NEGR1: variants seen among roughly 807,000 people sequenced by gnomAD.
The protein encoded by NEGR1 is neuronal growth regulator 1.
NEGR1 carries 10 observed loss-of-function variants against 40.9 expected under a neutral mutation model. That is an observed-to-expected ratio of 0.24 (90% CI 0.15 to 0.42). NEGR1 has a LOEUF of 0.42. Among genes scored for constraint, NEGR1 ranks in the 10% least tolerant of loss-of-function variants. The pLI is 1.00. For missense variants in NEGR1, 352 were observed against 438.9 expected (o/e 0.80, Z 1.77); for synonymous variants, 185 against 166.8 (o/e 1.11, Z -0.84).
At chr1:72,189,816 T>C (rs111808372) in intron 1 of NEGR1, among the ~76,000 whole-genome samples, 63 of 151,736 alleles carry the variant, frequency 4.2e-4, no homozygotes, top group African/African-American at 1.4e-3. Flanking sequence ...TGATACAAGA[T>C]TGTTATCTTC....
chr1:71,574,900 T>C lies in NEGR1; in HGVS notation c.940+17917A>G, dbSNP rs1049728251. Among the ~76,000 whole-genome samples the C allele has an allele frequency of 7.9e-5, 12 of 152,198 alleles. 1 individual carries two copies. In the South Asian group the frequency reaches 1.7e-3, roughly 21 times the overall value. On this transcript the variant is annotated intron_variant, in intron 6 of 6. Transcript: ENST00000357731. Reference sequence around the variant, plus strand: ...TTGGATTATCTCTGGGTCCATTTAGTTTTAATAATTCTTAGGTCCCTATTC... The same window carrying C: ...TTGGATTATCTCTGGGTCCATTTAGCTTTAATAATTCTTAGGTCCCTATTC...
At chr1:72,243,416 A>C (rs2100517799) in intron 1 of NEGR1, among the ~76,000 whole-genome samples, 1 of 151,960 alleles carries the variant, frequency 6.6e-6, no homozygotes, top group African/African-American at 2.4e-5. Flanking sequence ...AGGAATTTTA[A>C]GAATGGTTTA....
chr1:72,210,718 A>C (rs1653572264), intron 1 of NEGR1, among the ~76,000 whole-genome samples: 1 of 151,932 alleles, frequency 6.6e-6, no homozygotes, highest in Admixed American at 6.6e-5. Context: ...TGATATTGTT[A>C]ATGGAGTTGT....
intron 3 of NEGR1, among the ~76,000 whole-genome samples, chr1:71,746,029 C>T (rs1655370161): frequency 6.6e-6 from 1 of 152,172 alleles, no homozygotes; most frequent in Non-Finnish European, 1.5e-5. Flanking sequence ...TGCATTAGAT[C>T]ATTCCCTTTC....
At chr1:71,447,854 C>T (rs549682522) in intron 6 of NEGR1, among the ~76,000 whole-genome samples, 1 of 152,116 alleles carries the variant, frequency 6.6e-6, no homozygotes, top group Non-Finnish European at 1.5e-5. Context: ...TCTGTAAGTC[C>T]TCTTTCTTTT....
intron 4 of NEGR1, among the ~76,000 whole-genome samples, chr1:71,657,004 A>T (rs902496611): frequency 6.6e-6 from 1 of 152,244 alleles, no homozygotes; most frequent in African/African-American, 2.4e-5. Context: ...CTTCAAAAAT[A>T]ATAGCCAGGA....
At chr1:71,542,998 G>A (rs1280075975) in intron 6 of NEGR1, among the ~76,000 whole-genome samples, 1 of 151,632 alleles carries the variant, frequency 6.6e-6, no homozygotes. Flanking sequence ...GTGTGTATGT[G>A]ATATGACATG....
rs114924437 is a variant in NEGR1 at position 72,239,005 on chromosome 1, A to T, written c.176+43314T>A. Among the ~76,000 whole-genome samples the T allele has an allele frequency of 5.3e-3, 806 of 151,948 alleles. 9 individuals carry two copies. Among genetic ancestry groups the T allele is most frequent in the African/African-American group, 0.018 (767 of 41,520 alleles). Reference sequence around the variant, plus strand: ...TATTTTTCCTTCCTGAGCATTTTTCATGGGTGTCACATTCTACACTCATGG... The same window carrying T: ...TATTTTTCCTTCCTGAGCATTTTTCTTGGGTGTCACATTCTACACTCATGG... On this transcript the variant is annotated intron_variant, in intron 1 of 6. Transcript: ENST00000357731.
chr1:72,021,753 C>T (rs1646758286), intron 1 of NEGR1, among the ~76,000 whole-genome samples: 1 of 152,118 alleles, frequency 6.6e-6, no homozygotes, highest in Non-Finnish European at 1.5e-5. Flanking sequence ...AAACATCATG[C>T]TTTAAAAAAC....
chr1:71,788,131 C>A (rs905379491), intron 2 of NEGR1, among the ~76,000 whole-genome samples: 5 of 152,044 alleles, frequency 3.3e-5, no homozygotes, highest in African/African-American at 4.8e-5. Flanking sequence ...GTCCATGTTA[C>A]CTTATCTACT....
chr1:71,805,913 T>C (rs1448580207), intron 2 of NEGR1, among the ~76,000 whole-genome samples: 2 of 152,202 alleles, frequency 1.3e-5, no homozygotes, highest in African/African-American at 4.8e-5. Flanking sequence ...CAAATAAAAA[T>C]GATTGAAAAT....
At chr1:71,837,307 C>A (rs1659073648) in intron 2 of NEGR1, among the ~76,000 whole-genome samples, 1 of 152,108 alleles carries the variant, frequency 6.6e-6, no homozygotes, top group African/African-American at 2.4e-5. Context: ...AACTCTCTGA[C>A]AAAGTAGATA....
At chr1:71,663,533 C>A (rs369431303) in intron 4 of NEGR1, among the ~76,000 whole-genome samples, 1 of 152,150 alleles carries the variant, frequency 6.6e-6, no homozygotes, top group Non-Finnish European at 1.5e-5. Flanking sequence ...AAGAGATATT[C>A]CAAAATGCCA....
chr1:72,101,582 CT>C (rs1167304356), intron 1 of NEGR1, among the ~76,000 whole-genome samples: 1 of 151,824 alleles, frequency 6.6e-6, no homozygotes, highest in Admixed American at 6.6e-5. Context: ...TAGGAGACTT[CT>C]TTTTTTAAAT....
intron 4 of NEGR1, among the ~76,000 whole-genome samples, chr1:71,656,441 CTG>C (rs1651877591): frequency 6.6e-6 from 1 of 152,108 alleles, no homozygotes; most frequent in Admixed American, 6.5e-5. Flanking sequence ...GAGACGGAGT[CTG>C]GCTCTGTCGC....
intron 3 of NEGR1, among the ~76,000 whole-genome samples, chr1:71,733,407 G>A (rs893498682): frequency 6.6e-6 from 1 of 152,156 alleles, no homozygotes; most frequent in African/African-American, 2.4e-5. Flanking sequence ...TTAGCCAAAT[G>A]AGAAAGAACA....
intron 4 of NEGR1, among the ~76,000 whole-genome samples, chr1:71,696,346 G>C (rs896658762): frequency 6.6e-6 from 1 of 151,660 alleles, no homozygotes; most frequent in Non-Finnish European, 1.5e-5. Context: ...ATGGAGTATA[G>C]GTCCCATGCA....
chr1:71,519,477 G>C (rs1647137832), intron 6 of NEGR1, among the ~76,000 whole-genome samples: 1 of 56,402 alleles, frequency 1.8e-5, no homozygotes, highest in Admixed American at 2.1e-4. Flanking sequence ...ACTATCGCAA[G>C]AACAAAAAAC....
intron 1 of NEGR1, among the ~76,000 whole-genome samples, chr1:72,117,618 C>T (rs1333090932): frequency 6.6e-6 from 1 of 151,900 alleles, no homozygotes; most frequent in East Asian, 1.9e-4. Flanking sequence ...TGTCCACTTA[C>T]ACACACTATG....
Sources: allele counts gnomAD v4.1 joint callset (sites outside exome capture counted in the v4.1 genomes callset), GRCh38; gene constraint gnomAD v4.1.1; transcripts MANE v1.5; gene names NCBI Gene and HGNC (gene_info 2026-07-23, HGNC 2026-07-21).